The following BPIFB2 variants were observed in gnomAD, a reference collection of about 807,000 sequenced individuals.
BPIFB2 encodes the protein BPI fold containing family B member 2.
In BPIFB2, 39 loss-of-function variants were observed where a neutral mutation model predicts 50.1. The observed-to-expected ratio is 0.78, with a 90% CI of 0.60 to 1.02. The LOEUF (loss-of-function observed/expected upper bound fraction) is 1.02, where lower values mean the gene tolerates loss of function less well. BPIFB2 is among the 50% of genes least tolerant of loss of function. The pLI is 0.00. For synonymous variants in BPIFB2, 280 were observed against 256.3 expected (o/e 1.09, Z -0.88); for missense variants, 574 against 585.8 (o/e 0.98, Z 0.21).
intron 10 of BPIFB2, 68 bp downstream of exon 10, chr20:33,019,183 G>T (rs1252002848): frequency 3.2e-6 from 5 of 1,578,744 alleles, no homozygotes; most frequent in Non-Finnish European, 4.4e-6. Flanking sequence ...TCTGGGTCAT[G>T]GGATCTCTGC....
intron 15 of BPIFB2, 51 bp downstream of exon 15, chr20:33,021,850 G>A (rs1033775785): frequency 4.5e-6 from 7 of 1,560,438 alleles, no homozygotes; most frequent in Non-Finnish European, 6.2e-6. Flanking sequence ...CAGAGGGACT[G>A]ATTGAGGTGG....
intron 3 of BPIFB2, 134 bp downstream of exon 3, chr20:33,011,251 T>C: frequency 1.3e-6 from 1 of 774,870 alleles, no homozygotes; most frequent in South Asian, 1.7e-5. Flanking sequence ...CGGGGCAAAG[T>C]GTTCCAGTCC....
Position 33,020,362 on chromosome 20 carries a change from A to C in BPIFB2, c.1115A>C (p.Lys372Thr). The C allele has an allele frequency of 2.5e-6, 4 of 1,614,064 alleles. No homozygotes were observed. The highest frequency in any genetic ancestry group is 3.4e-6 in the Non-Finnish European group (4 of 1,179,970). ...VNLRLQLSVS[K>T]VKLQGTTSVL... ...TTGAGACTCCAGCTCTCTGTGTCCA[A>C]GGTGAAGCTTCAGGGGACCACGTCT... is the stretch of plus-strand genomic sequence containing the variant. The change falls in exon 12 of 16, where the codon AAG becomes ACG. Residue 372 changes from lysine to threonine, a missense_variant. Transcript: ENST00000170150.
intron 4 of BPIFB2, 24 bp downstream of exon 4, chr20:33,012,931 G>C: frequency 2.5e-6 from 4 of 1,578,774 alleles, no homozygotes; most frequent in Non-Finnish European, 3.5e-6. Flanking sequence ...CTTGTTAGGG[G>C]GTGAGAAGGG....
At chr20:33,008,829 T>C in intron 2 of BPIFB2, 146 bp downstream of exon 2, 1 of 645,316 alleles carries the variant, frequency 1.5e-6, no homozygotes, top group Non-Finnish European at 2.6e-6. Flanking sequence ...AGACAGTGCC[T>C]GACACATGGC....
rs1978589564 is a variant in BPIFB2 at position 33,019,760 on chromosome 20, GTGGGGCTGGTCGGAAGGCA to G, written c.1080+11_1080+29del. 6.3e-7 allele frequency: 1 copy of G among 1,579,756 alleles called. No homozygotes were observed. The highest frequency in any genetic ancestry group is 2.3e-5 in the East Asian group (1 of 44,230). ...CTTCTCCCTGGATGTGGTGAGTGCGGTGGGGCTGGTCGGAAGGCAGGCAACTGTCACAGAGACCTCCCTC... is the reference window on the plus strand; with the variant it reads ...CTTCTCCCTGGATGTGGTGAGTGCGGGGCAACTGTCACAGAGACCTCCCTC... On this transcript the variant is annotated intron_variant, in intron 11 of 15. Transcript: ENST00000170150.
chr20:33,019,239 C>A, intron 10 of BPIFB2, 124 bp downstream of exon 10: 1 of 1,204,144 alleles, frequency 8.3e-7, no homozygotes, highest in Non-Finnish European at 1.2e-6. Context: ...GTCCTTAAAC[C>A]TACTCCTCCA....
intron 6 of BPIFB2, among the ~76,000 whole-genome samples, chr20:33,016,475 G>C (rs1273651847): frequency 6.6e-6 from 1 of 152,224 alleles, no homozygotes; most frequent in African/African-American, 2.4e-5. Flanking sequence ...GCCCAGTCTC[G>C]CCAGCTCTTG....
Position 33,019,460 on chromosome 20 carries a change from C to A in BPIFB2, c.910-120C>A, listed in dbSNP as rs897258694. ...CACTGGCTTACACAGAGGGGGGACC[C>A]ACCTCTGTGCCCAGTCACATACAGC... On this transcript the variant is annotated intron_variant, in intron 10 of 15. Coordinates refer to ENST00000170150, the MANE Select transcript of BPIFB2 (RefSeq NM_025227.3). 12 of 1,185,140 alleles carry A rather than the reference C, an allele frequency of 1.0e-5. No homozygotes were observed. The East Asian group carries it at 2.6e-4, about 26-fold the overall frequency. 73.4% of individuals were successfully genotyped at this position (1,185,140 alleles called of 1,614,324 possible).
chr20:33,013,790 C>G lies in BPIFB2; in HGVS notation c.309-20C>G, dbSNP rs372483947. ...TCTGCTGGGCGGTGCTGCTCGGGCT[C>G]AGGACTGGCATCCCTACAGCGCCCC... On this transcript the variant is annotated intron_variant, in intron 4 of 15. Transcript: ENST00000170150. The G allele has an allele frequency of 5.0e-6, 8 of 1,608,748 alleles. No homozygotes were observed. The African/African-American group carries it at 9.4e-5, about 19-fold the overall frequency.
chr20:33,020,636 C>T (rs780330762), intron 13 of BPIFB2, 49 bp downstream of exon 13: 2 of 1,524,888 alleles, frequency 1.3e-6, no homozygotes, highest in South Asian at 2.5e-5. Flanking sequence ...GGGTAGGGCA[C>T]ACCTTGAGCC....
At chr20:33,020,268 G>T in intron 11 of BPIFB2, 60 bp from the exon 12 acceptor site, 1 of 1,528,790 alleles carries the variant, frequency 6.5e-7, no homozygotes, top group South Asian at 1.1e-5. Flanking sequence ...GGGAGGCTGG[G>T]TGGCTGGTGC....
intron 5 of BPIFB2, among the ~76,000 whole-genome samples, chr20:33,014,340 TCTCGCAGGCCAGGCCG>T (rs1990328784): frequency 6.6e-6 from 1 of 152,152 alleles, no homozygotes; most frequent in East Asian, 1.9e-4. Context: ...AATAGCCAGC[TCTCGCAGGCCAGGCCG>T]CTCCCTTCTG....
Position 33,017,181 on chromosome 20 carries a change from T to G in BPIFB2, c.577+79T>G, listed in dbSNP as rs1978464070. The G allele has an allele frequency of 2.9e-6, 4 of 1,380,670 alleles. No individual in the cohort carries two copies. The South Asian group carries it at 3.7e-5, about 13-fold the overall frequency. 85.5% of individuals were successfully genotyped at this position (1,380,670 alleles called of 1,614,324 possible). ...CCCTAGAACCCTCCAAAGGCTCCAC[T>G]CTGGATCACGGTCGACCTCTAGGAG... is the stretch of plus-strand genomic sequence containing the variant. On this transcript the variant is annotated intron_variant, in intron 7 of 15. Coordinates refer to ENST00000170150, the MANE Select transcript of BPIFB2 (RefSeq NM_025227.3).
At chr20:33,013,299 G>T (rs1178776450) in intron 4 of BPIFB2, among the ~76,000 whole-genome samples, 17 of 152,116 alleles carry the variant, frequency 1.1e-4, no homozygotes, top group Admixed American at 1.1e-3. Context: ...AGTTATTTTT[G>T]TGTGCCTGGC....
At chr20:33,014,701 C>G (rs116247552) in intron 5 of BPIFB2, among the ~76,000 whole-genome samples, 1 of 152,196 alleles carries the variant, frequency 6.6e-6, no homozygotes, top group African/African-American at 2.4e-5. Context: ...AAGAATGCAA[C>G]GTATGCATCA....
At position 33,009,625 on chromosome 20, in the gene BPIFB2, C is replaced by A. The variant is rs989504833; in HGVS notation, c.109+942C>A. Among the ~76,000 whole-genome samples, 1 of 152,164 alleles carries A rather than the reference C, an allele frequency of 6.6e-6. No individual in the cohort carries two copies. Among genetic ancestry groups the A allele is most frequent in the Admixed American group, 6.5e-5 (1 of 15,278 alleles). ...CCTCATATCCGGGCTGATGGGCAGG[C>A]AATGAAAGGGGTCAGTGATCCGTGC... On this transcript the variant is annotated intron_variant, in intron 2 of 15. Coordinates refer to ENST00000170150, the MANE Select transcript of BPIFB2 (RefSeq NM_025227.3). This position sits in a 1 kb window ranked among gnomAD's most constrained non-coding sequence, Gnocchi z 4.2.
At chr20:33,021,829 C>G in intron 15 of BPIFB2, 30 bp downstream of exon 15, 2 of 1,595,304 alleles carry the variant, frequency 1.3e-6, no homozygotes, top group Non-Finnish European at 1.7e-6. Flanking sequence ...ACCAGAGGGG[C>G]CTCCTTCACT....
Position 33,021,325 on chromosome 20 carries a change from C to A in BPIFB2, c.1239C>A (p.Pro413=), listed in dbSNP as rs1568979953. 1 of 1,613,732 alleles carries A rather than the reference C, an allele frequency of 6.2e-7. No individual in the cohort carries two copies. Among genetic ancestry groups the A allele is most frequent in the Non-Finnish European group, 8.5e-7 (1 of 1,179,916 alleles). ...RTLMGTVFEK[P]LLDHLNALLA... ...TGATGGGCACCGTTTTTGAGAAGCCCCTGCTGGACCATCTCAATGGTAAGC... is the reference window on the plus strand; with the variant it reads ...TGATGGGCACCGTTTTTGAGAAGCCACTGCTGGACCATCTCAATGGTAAGC... The change falls in exon 14 of 16, where the codon CCC becomes CCA. Residue 413 remains proline (P), a synonymous_variant. Transcript: ENST00000170150.
Sources: gnomAD v4.1 joint callset for allele counts (sites outside exome capture counted in the v4.1 genomes callset) on GRCh38, gnomAD v4.1.1 for gene constraint, Gnocchi (gnomAD v3.1) non-coding constraint, MANE v1.5 for transcripts, NCBI Gene and HGNC (gene_info 2026-07-23, HGNC 2026-07-21) for gene names.